Variants in PPM1E observed in about 807,000 individuals in gnomAD.
PPM1E encodes the protein protein phosphatase, Mg2+/Mn2+ dependent 1E, also known as protein phosphatase 1E.
Under a neutral mutation model 65.9 loss-of-function variants are expected in PPM1E, and 20 were observed. The ratio of observed to expected loss-of-function variants is 0.30; its 90% CI spans 0.21 to 0.44. The LOEUF is 0.44. Among genes scored for constraint, PPM1E ranks in the 20% least tolerant of loss-of-function variants. The probability of loss-of-function intolerance (pLI) is 1.00; values close to 1 mark genes in which losing one functional copy is unlikely to be tolerated. For missense variants in PPM1E, 713 were observed against 953.1 expected (o/e 0.75, Z 3.32); for synonymous variants, 352 against 374.9 (o/e 0.94, Z 0.70).
chr17:58,906,974 C>A (rs566748712), intron 1 of PPM1E, among the ~76,000 whole-genome samples: 1 of 152,140 alleles, frequency 6.6e-6, no homozygotes, highest in Non-Finnish European at 1.5e-5. Flanking sequence ...CAGGGGCTTA[C>A]GCCTGTAATC....
At chr17:58,848,748 T>C (rs557994820) in intron 1 of PPM1E, among the ~76,000 whole-genome samples, 1 of 152,340 alleles carries the variant, frequency 6.6e-6, no homozygotes, top group East Asian at 1.9e-4. Context: ...TTTTGTTGTG[T>C]CTCTGCCAGG....
chr17:58,909,924 C>CTTTTTTTTTTTTTTT (rs35833275), intron 1 of PPM1E, among the ~76,000 whole-genome samples: 69 of 90,036 alleles, frequency 7.7e-4, no homozygotes, highest in Non-Finnish European at 8.9e-4. Context: ...TTTTCTTTTT[C>CTTTTTTTTTTTTTTT]TTTTTTTTTT....
intron 1 of PPM1E, among the ~76,000 whole-genome samples, chr17:58,779,890 ATGGC>A (rs2050034809): frequency 1.3e-5 from 2 of 152,250 alleles, no homozygotes; most frequent in African/African-American, 4.8e-5. Flanking sequence ...AAAGTGTATC[ATGGC>A]TGTCTTTTCA....
chr17:58,798,209 T>C lies in PPM1E; in HGVS notation c.464+41748T>C, dbSNP rs190309456. ...TGTGTTTTGCAAATATTTTCTTCTGTGTGAATTACGTTTTTTGTTTGTTTT... is the reference window on the plus strand; with the variant it reads ...TGTGTTTTGCAAATATTTTCTTCTGCGTGAATTACGTTTTTTGTTTGTTTT... On this transcript the variant is annotated intron_variant, in intron 1 of 6. Coordinates refer to ENST00000308249, the MANE Select transcript of PPM1E (RefSeq NM_014906.5). 1.8e-3 allele frequency among the ~76,000 whole-genome samples: 273 copies of C among 151,700 alleles called. 2 individuals carry two copies. Among genetic ancestry groups the C allele is most frequent in the Non-Finnish European group, 2.8e-3 (191 of 67,956 alleles).
chr17:58,807,582 A>G (rs894571087), intron 1 of PPM1E, among the ~76,000 whole-genome samples: 6 of 152,204 alleles, frequency 3.9e-5, no homozygotes, highest in African/African-American at 1.4e-4. Flanking sequence ...TGTGTAGTAT[A>G]TGAATGACAT....
At position 58,859,182 on chromosome 17, in the gene PPM1E, A is replaced by G. The variant is rs1395903261; in HGVS notation, c.465-96467A>G. On this transcript the variant is annotated intron_variant, in intron 1 of 6. Transcript: ENST00000308249. Reference sequence around the variant, plus strand: ...CTATGTTATGGCAATTTGATTGGTTACAGTTTGCTACGTTTCAAGGAAGAT... The same window carrying G: ...CTATGTTATGGCAATTTGATTGGTTGCAGTTTGCTACGTTTCAAGGAAGAT... Among the ~76,000 whole-genome samples the G allele has an allele frequency of 2.0e-5, 3 of 152,156 alleles. No homozygotes were observed. In the East Asian group the frequency reaches 5.8e-4, roughly 29 times the overall value.
intron 6 of PPM1E, among the ~76,000 whole-genome samples, chr17:58,973,377 A>G (rs2030768132): frequency 6.6e-6 from 1 of 151,010 alleles, no homozygotes; most frequent in African/African-American, 2.4e-5. Context: ...AGATCGCGCC[A>G]TTGCACGCCA....
intron 1 of PPM1E, among the ~76,000 whole-genome samples, chr17:58,818,559 A>G (rs1337093922): frequency 6.6e-6 from 1 of 152,194 alleles, no homozygotes; most frequent in African/African-American, 2.4e-5. Flanking sequence ...ACTTATTCCC[A>G]TATATAAGCT....
At chr17:58,966,083 T>C (rs796968370) in intron 3 of PPM1E, 190 bp downstream of exon 3, 4 of 617,786 alleles carry the variant, frequency 6.5e-6, no homozygotes, top group African/African-American at 1.8e-5. Flanking sequence ...GAATAGGTAA[T>C]GCATTCACAT....
chr17:58,760,354 C>T (rs1264213787), intron 1 of PPM1E, among the ~76,000 whole-genome samples: 1 of 152,200 alleles, frequency 6.6e-6, no homozygotes, highest in African/African-American at 2.4e-5. Flanking sequence ...CTCCAACCCT[C>T]TTTACGGCCC....
At chr17:58,756,754 C>T (rs1032524537) in intron 1 of PPM1E, among the ~76,000 whole-genome samples, 3 of 152,188 alleles carry the variant, frequency 2.0e-5, no homozygotes, top group African/African-American at 7.2e-5. Context: ...CATCCCCTTT[C>T]ACCTCGGCCC....
chr17:58,944,354 T>C (rs2052115434), intron 1 of PPM1E, among the ~76,000 whole-genome samples: 1 of 152,210 alleles, frequency 6.6e-6, no homozygotes, highest in African/African-American at 2.4e-5. Flanking sequence ...CTGCTTCACA[T>C]GACTTGCCTT....
chr17:58,827,159 A>G (rs889227955), intron 1 of PPM1E, among the ~76,000 whole-genome samples: 14 of 131,596 alleles, frequency 1.1e-4, no homozygotes, highest in Non-Finnish European at 2.2e-4. Flanking sequence ...TTTTTTTGAG[A>G]CAGAGTCTTG....
In PPM1E at chr17:58,816,765, TATATATATATATATATA is replaced by T. The variant is rs2050422266; in HGVS notation, c.464+60305_464+60321del. On this transcript the variant is annotated intron_variant, in intron 1 of 6. Coordinates refer to ENST00000308249, the MANE Select transcript of PPM1E (RefSeq NM_014906.5). ...AAATATATATATATATATATATATA[TATATATATATATATATA>T]TATATATATATATTTTTTTTTTTTT... 1.5e-4 allele frequency among the ~76,000 whole-genome samples: 2 copies of T among 13,522 alleles called. 1 individual carries two copies. The highest frequency in any genetic ancestry group is 5.9e-4 in the African/African-American group (2 of 3,402). The allele number at this position is 13,522 out of a possible 152,430, so 8.9% of individuals were successfully genotyped here.
chr17:58,933,796 A>G (rs1280104702), intron 1 of PPM1E, among the ~76,000 whole-genome samples: 1 of 111,396 alleles, frequency 9.0e-6, no homozygotes, highest in East Asian at 2.5e-4. Flanking sequence ...CCCTATCTCA[A>G]AAGAAAAAAA....
At chr17:58,769,489 C>T (rs1358692007) in intron 1 of PPM1E, among the ~76,000 whole-genome samples, 1 of 151,988 alleles carries the variant, frequency 6.6e-6, no homozygotes, top group Non-Finnish European at 1.5e-5. Context: ...CCCAGCTACT[C>T]GGGAGGCTGA....
rs371718666 is a variant in PPM1E at position 58,961,797 on chromosome 17, T to C, written c.584-3897T>C. The stretch of plus-strand genomic sequence containing the variant: ...GACCGAAAAACTGAATTTTAAATTT[T>C]ATTTAATTTTAACTTACTTTTTTAG... On this transcript the variant is annotated intron_variant, in intron 2 of 6. Coordinates refer to ENST00000308249, the MANE Select transcript of PPM1E (RefSeq NM_014906.5). Among the ~76,000 whole-genome samples, 18 of 152,314 alleles carry C rather than the reference T, an allele frequency of 1.2e-4. No individual in the cohort carries two copies. The East Asian group carries it at 3.1e-3, about 26-fold the overall frequency.
At chr17:58,896,837 A>G (rs1455116573) in intron 1 of PPM1E, among the ~76,000 whole-genome samples, 4 of 152,214 alleles carry the variant, frequency 2.6e-5, no homozygotes, top group Non-Finnish European at 5.9e-5. Flanking sequence ...TGGGACTTTC[A>G]TAACTACAGA....
rs982961062 is a variant in PPM1E at position 58,931,617 on chromosome 17, T to C, written c.465-24032T>C. 1.3e-4 allele frequency among the ~76,000 whole-genome samples: 19 copies of C among 151,970 alleles called. 1 individual carries two copies. Among genetic ancestry groups the C allele is most frequent in the Admixed American group, 1.2e-3 (19 of 15,254 alleles). On this transcript the variant is annotated intron_variant, in intron 1 of 6. Transcript: ENST00000308249. ...TTCCAGAAAAAAAGAAAAAAACATA[T>C]GAGAGGGAGAAAGATTTGGACTTAC...
Sources: allele counts gnomAD v4.1 joint callset (sites outside exome capture counted in the v4.1 genomes callset), GRCh38; gene constraint gnomAD v4.1.1; transcripts MANE v1.5; gene names NCBI Gene and HGNC (gene_info 2026-07-23, HGNC 2026-07-21).